ANK2: variants seen among roughly 807,000 people sequenced by gnomAD.
ANK2 encodes ankyrin-2.
ANK2 carries 83 observed loss-of-function variants against 360.5 expected under a neutral mutation model. That is an observed-to-expected ratio of 0.23 (90% CI 0.19 to 0.28). The LOEUF is 0.28. Ranked by LOEUF, ANK2 falls within the 10% of genes least tolerant of loss-of-function variation. The pLI is 1.00. For synonymous variants in ANK2, 1,740 were observed against 1,759.5 expected (o/e 0.99, Z 0.28); for missense variants, 4,201 against 4,795.7 (o/e 0.88, Z 3.66).
rs1031811987 is a variant in ANK2 at position 113,375,082 on chromosome 4, C to T, written c.11859+1633C>T. 1.4e-5 allele frequency: 4 copies of T among 296,056 alleles called. No homozygotes were observed. In the South Asian group the frequency reaches 4.8e-4, roughly 35 times the overall value. 18.3% of individuals were successfully genotyped at this position (296,056 alleles called of 1,614,324 possible). A position where few individuals can be genotyped will look rare whatever the true frequency, so the allele number is the denominator to read the frequency against. ...TGCAGAATAATTCAAGAGGGTAGAA[C>T]TCCTGTTTGAATAACTTGCAGAGTA... On this transcript the variant is annotated intron_variant, in intron 45 of 45. Transcript: ENST00000357077.
intron 1 of ANK2, among the ~76,000 whole-genome samples, chr4:113,169,665 A>ATT: frequency 6.6e-6 from 1 of 152,282 alleles, no homozygotes; most frequent in East Asian, 1.9e-4. Flanking sequence ...ACCGTTTTAG[A>ATT]CAAGTGGTTC....
At chr4:112,802,035 C>A in the ANK2 span, among the ~76,000 whole-genome samples, 2 of 151,598 alleles carry the variant, frequency 1.3e-5, no homozygotes, top group Admixed American at 6.6e-5. Flanking sequence ...GATCTGGTGA[C>A]TTTTGTTGTT....
the ANK2 span, among the ~76,000 whole-genome samples, chr4:112,810,930 CTT>C: frequency 2.9e-4 from 40 of 137,060 alleles, no homozygotes; most frequent in East Asian, 7.0e-4. Flanking sequence ...TTCTTTCTTT[CTT>C]TTTTTTTTTT....
At chr4:113,364,937 T>C in intron 40 of ANK2, 102 bp from the exon 41 acceptor site, 1 of 1,430,884 alleles carries the variant, frequency 7.0e-7, no homozygotes, top group Non-Finnish European at 9.8e-7. Flanking sequence ...TTTGATTGTT[T>C]TTTTCTGTAC....
chr4:112,769,602 C>T, the ANK2 span, among the ~76,000 whole-genome samples: 1 of 152,156 alleles, frequency 6.6e-6, no homozygotes, highest in African/African-American at 2.4e-5. Flanking sequence ...AGAATTTAAC[C>T]ATCACTCTTG....
intron 2 of ANK2, among the ~76,000 whole-genome samples, chr4:112,972,874 T>C (rs995734423): frequency 3.3e-5 from 5 of 152,008 alleles, no homozygotes; most frequent in Admixed American, 3.3e-4. Context: ...TTGCAGCAAC[T>C]TGGATGGAGC....
chr4:113,133,853 C>T (rs966754016), intron 1 of ANK2, among the ~76,000 whole-genome samples: 1 of 152,164 alleles, frequency 6.6e-6, no homozygotes, highest in African/African-American at 2.4e-5. Flanking sequence ...TGACTTGAAT[C>T]TGTGCTTCTC....
At chr4:112,738,813 A>C in the ANK2 span, 1 of 626,656 alleles carries the variant, frequency 1.6e-6, no homozygotes, top group Non-Finnish European at 3.0e-6. Flanking sequence ...GGTTCATAGA[A>C]GGTTCAAGGC....
chr4:112,888,541 ATTTT>A (rs1018785664), intron 1 of ANK2, among the ~76,000 whole-genome samples: 1 of 148,998 alleles, frequency 6.7e-6, no homozygotes, highest in Non-Finnish European at 1.5e-5. Flanking sequence ...ACAGCTCTGA[ATTTT>A]TTTTTTTGAA....
At chr4:113,373,062 C>T (rs1420086973) in intron 43 of ANK2, 28 bp from the exon 44 acceptor site, 4 of 1,592,110 alleles carry the variant, frequency 2.5e-6, no homozygotes, top group South Asian at 1.1e-5. Context: ...CCAAACACCA[C>T]AGTGACCCTT....
rs533916408 is a variant in ANK2, at chr4:113,196,327, A to G, written c.187-41A>G. 8 of 1,519,316 alleles carry G rather than the reference A, an allele frequency of 5.3e-6. No individual in the cohort carries two copies. The African/African-American group carries it at 8.2e-5, about 16-fold the overall frequency. 94.1% of individuals were successfully genotyped at this position (1,519,316 alleles called of 1,614,324 possible). ...GTAGGATCAGGGCACTATTTTCCTC[A>G]TTACTTCACTTCTTAAAGCCTTGTT... is the stretch of plus-strand genomic sequence containing the variant. On this transcript the variant is annotated intron_variant, in intron 2 of 45. Transcript: ENST00000357077.
At chr4:113,200,760 G>A (rs972869239) in intron 4 of ANK2, among the ~76,000 whole-genome samples, 2 of 152,020 alleles carry the variant, frequency 1.3e-5, no homozygotes, top group Non-Finnish European at 2.9e-5. Flanking sequence ...CCATGACTTT[G>A]CTATTGTGAA....
intron 9 of ANK2, among the ~76,000 whole-genome samples, chr4:113,243,390 A>G (rs1036035073): frequency 3.3e-5 from 5 of 152,194 alleles, no homozygotes; most frequent in Non-Finnish European, 5.9e-5. Flanking sequence ...AATAAACTTT[A>G]TCATCTGTAA....
chr4:112,816,781 C>A (rs2055680972), upstream of ANK2, among the ~76,000 whole-genome samples: 1 of 152,172 alleles, frequency 6.6e-6, no homozygotes, highest in African/African-American at 2.4e-5. Flanking sequence ...GAAGCCGAGG[C>A]AGGTGGATCA....
chr4:113,243,394 T>A (rs1042472659), intron 9 of ANK2, among the ~76,000 whole-genome samples: 1 of 152,240 alleles, frequency 6.6e-6, no homozygotes, highest in Non-Finnish European at 1.5e-5. Context: ...AACTTTATCA[T>A]CTGTAAGCTT....
intron 1 of ANK2, among the ~76,000 whole-genome samples, chr4:113,050,747 G>A (rs926035276): frequency 6.6e-6 from 1 of 152,190 alleles, no homozygotes; most frequent in Non-Finnish European, 1.5e-5. Context: ...TTCAACATTA[G>A]ATGGTTTTGG....
chr4:112,988,039 T>G (rs184883921), intron 2 of ANK2, among the ~76,000 whole-genome samples: 1 of 152,278 alleles, frequency 6.6e-6, no homozygotes, highest in African/African-American at 2.4e-5. Flanking sequence ...CAGGATAAAG[T>G]ATGTACACTA....
chr4:113,355,864 C>CGAGATA lies in ANK2; in HGVS notation c.7248_7253dup (p.Arg2416_Asp2417dup). 6.2e-7 allele frequency: 1 copy of CGAGATA among 1,614,042 alleles called. No homozygotes were observed. Among genetic ancestry groups the CGAGATA allele is most frequent in the Non-Finnish European group, 8.5e-7 (1 of 1,179,942 alleles). The stretch of plus-strand genomic sequence containing the variant: ...AGGGTTAGAACTTGCACTCCCTAGC[C>CGAGATA]GAGATAGCGAAGTCCTCAGCGCTGT... On this transcript the variant is annotated inframe_insertion, in exon 38 of 46. Transcript: ENST00000357077.
intron 1 of ANK2, among the ~76,000 whole-genome samples, chr4:113,105,721 A>G (rs536008451): frequency 1.3e-5 from 2 of 152,296 alleles, no homozygotes; most frequent in South Asian, 4.1e-4. Flanking sequence ...TTAAAAGCTG[A>G]ATAGTCTATG....
Sources: gnomAD v4.1 joint callset for allele counts (sites outside exome capture counted in the v4.1 genomes callset) on GRCh38, gnomAD v4.1.1 for gene constraint, MANE v1.5 for transcripts, NCBI Gene and HGNC (gene_info 2026-07-23, HGNC 2026-07-21) for gene names.